The following ZNF600 variants were observed in gnomAD, a reference collection of about 807,000 sequenced individuals.
The protein encoded by ZNF600 is zinc finger protein 600, also known as zinc finger protein KR-ZNF1.
Under a neutral mutation model 7.3 loss-of-function variants are expected in ZNF600, and 4 were observed. That is an observed-to-expected ratio of 0.55 (90% CI 0.27 to 1.25). The LOEUF (loss-of-function observed/expected upper bound fraction) is 1.25, where lower values mean the gene tolerates loss of function less well. Ranked by LOEUF, ZNF600 falls within the 50% of genes most tolerant of loss-of-function variation. The probability of loss-of-function intolerance (pLI) is 0.12; values close to 1 mark genes in which losing one functional copy is unlikely to be tolerated. For synonymous variants in ZNF600, 290 were observed against 308.9 expected, an observed-to-expected ratio of 0.94 and a Z score of 0.64; for missense variants, 911 against 922.1, an observed-to-expected ratio of 0.99 and a Z score of 0.16.
At chr19:52,779,713 G>A (rs2062705104) in intron 1 of ZNF600, among the ~76,000 whole-genome samples, 1 of 152,134 alleles carries the variant, frequency 6.6e-6, no homozygotes, top group Non-Finnish European at 1.5e-5. Context: ...TGACATAGAT[G>A]CATGTCTGAG....
the ZNF600 span, among the ~76,000 whole-genome samples, chr19:52,817,743 G>A: frequency 2.0e-5 from 3 of 152,132 alleles, no homozygotes; most frequent in Non-Finnish European, 4.4e-5. Context: ...ACCATGCCCA[G>A]TGCAGCCTCT....
the ZNF600 span, among the ~76,000 whole-genome samples, chr19:52,821,334 G>T: frequency 1.3e-5 from 2 of 152,164 alleles, no homozygotes; most frequent in Non-Finnish European, 2.9e-5. Context: ...AAAAGGTTTT[G>T]AGCAGGAAAA....
the ZNF600 span, among the ~76,000 whole-genome samples, chr19:52,819,535 G>A: frequency 0.026 from 1,955 of 74,352 alleles, 727 homozygotes; most frequent in African/African-American, 0.091. Context: ...AGGGTCACTC[G>A]GGTTGAGCTT....
At chr19:52,788,356 G>C (rs924710910), upstream of ZNF600, among the ~76,000 whole-genome samples, 2 of 152,052 alleles carry the variant, frequency 1.3e-5, no homozygotes, top group Admixed American at 6.6e-5. Context: ...GCCATCCCTG[G>C]CTCCTTTTCT....
chr19:52,826,220 A>C, the ZNF600 span, among the ~76,000 whole-genome samples: 1 of 152,012 alleles, frequency 6.6e-6, no homozygotes, highest in Admixed American at 6.6e-5. Flanking sequence ...AATAGAACAA[A>C]TTATCCTCTA....
At chr19:52,771,822 C>T (rs112381467) in intron 3 of ZNF600, among the ~76,000 whole-genome samples, 3,424 of 152,026 alleles carry the variant, frequency 0.023, 145 homozygotes, top group African/African-American at 0.076. Context: ...TATGTTTGCC[C>T]GACTGCTCTC....
At chr19:52,820,658 TCTCC>T in the ZNF600 span, among the ~76,000 whole-genome samples, 1 of 151,950 alleles carries the variant, frequency 6.6e-6, no homozygotes, top group African/African-American at 2.4e-5. Context: ...TCCCTCCTCC[TCTCC>T]CTCACTCTGA....
the ZNF600 span, chr19:52,800,508 T>C: frequency 4.3e-6 from 7 of 1,613,742 alleles, no homozygotes; most frequent in South Asian, 5.5e-5. Flanking sequence ...ATTAAAAACC[T>C]TGCCACATTC....
chr19:52,774,786 A>G (rs550980013), intron 2 of ZNF600, 85 bp from the exon 5 acceptor site: 2 of 985,280 alleles, frequency 2.0e-6, no homozygotes, highest in Admixed American at 6.1e-5. Context: ...GAAAATAAGT[A>G]TTTGATCAAA....
the ZNF600 span, among the ~76,000 whole-genome samples, chr19:52,793,043 A>G: frequency 6.7e-6 from 1 of 150,028 alleles, no homozygotes; most frequent in African/African-American, 2.4e-5. Context: ...GCCCGGCCCA[A>G]TCCTCTTAAA....
At chr19:52,818,094 C>T in the ZNF600 span, 9 of 1,439,812 alleles carry the variant, frequency 6.3e-6, no homozygotes, top group Non-Finnish European at 8.5e-6. Flanking sequence ...TGTAACACAA[C>T]AACACATACA....
the ZNF600 span, among the ~76,000 whole-genome samples, chr19:52,828,851 T>G: frequency 6.6e-6 from 1 of 152,112 alleles, no homozygotes; most frequent in Non-Finnish European, 1.5e-5. Flanking sequence ...GCCTTTATTT[T>G]TATTTTTATT....
chr19:52,787,179 CTG>C (rs779772988), upstream of ZNF600, among the ~76,000 whole-genome samples: 2 of 152,208 alleles, frequency 1.3e-5, no homozygotes, highest in Non-Finnish European at 2.9e-5. Flanking sequence ...GGGCCTCCGC[CTG>C]GGATGCGGGA....
At chr19:52,798,887 A>G in the ZNF600 span, 9 of 1,422,000 alleles carry the variant, frequency 6.3e-6, no homozygotes, top group South Asian at 2.4e-5. Flanking sequence ...TTGATGGTGA[A>G]TAAGTGGTGA....
rs113001915 is a variant in ZNF600 at position 52,777,027 on chromosome 19, G to T, written c.63+1799C>A. Among the ~76,000 whole-genome samples the T allele has an allele frequency of 2.3e-3, 347 of 152,148 alleles. 5 individuals are homozygous for T. In the East Asian group the frequency reaches 0.045, roughly 20 times the overall value. ...AAATAAAGTAAAATCAATGATGTAAGAAAGCATCCTGTACCACTGATGCCT... is the reference window on the plus strand; with the variant it reads ...AAATAAAGTAAAATCAATGATGTAATAAAGCATCCTGTACCACTGATGCCT... On this transcript the variant is annotated intron_variant, in intron 2 of 3. Transcript: ENST00000648973.
At chr19:52,803,593 C>A in the ZNF600 span, among the ~76,000 whole-genome samples, 1 of 152,144 alleles carries the variant, frequency 6.6e-6, no homozygotes, top group Admixed American at 6.5e-5. Flanking sequence ...CAGCACACAA[C>A]ATAAGAACTG....
exon 4 of ZNF600, chr19:52,765,580 C>T (rs768664534): frequency 5.6e-5 from 91 of 1,613,466 alleles, no homozygotes; most frequent in Non-Finnish European, 7.3e-5. Context: ...TTGTGACAAT[C>T]ATTACATTAG....
At chr19:52,808,047 C>A in the ZNF600 span, 1 of 1,613,560 alleles carries the variant, frequency 6.2e-7, no homozygotes, top group African/African-American at 1.3e-5. Flanking sequence ...GCATCACATC[C>A]CTGTAAAGAG....
intron 3 of ZNF600, among the ~76,000 whole-genome samples, chr19:52,773,050 C>A (rs2062643329): frequency 6.6e-6 from 1 of 151,960 alleles, no homozygotes; most frequent in African/African-American, 2.4e-5. Flanking sequence ...GGGAGGGGCT[C>A]ACGGGGAAAT....
Sources: gnomAD v4.1 joint callset for allele counts (sites outside exome capture counted in the v4.1 genomes callset) on GRCh38, gnomAD v4.1.1 for gene constraint, MANE v1.5 for transcripts, NCBI Gene and HGNC (gene_info 2026-07-23, HGNC 2026-07-21) for gene names.